The following UBL3 variants were observed in gnomAD, a reference collection of about 807,000 sequenced individuals.
UBL3 encodes ubiquitin like 3.
A neutral mutation model predicts 18.4 loss-of-function variants in UBL3; 6 were observed. The ratio of observed to expected loss-of-function variants is 0.33; its 90% CI spans 0.18 to 0.64. The LOEUF (loss-of-function observed/expected upper bound fraction) is 0.64. Ranked by LOEUF, UBL3 falls within the 30% of genes least tolerant of loss-of-function variation. The probability of loss-of-function intolerance (pLI) is 0.76; values close to 1 mark genes in which losing one functional copy is unlikely to be tolerated. For synonymous variants in UBL3, 49 were observed against 46.6 expected, an observed-to-expected ratio of 1.05 and a Z score of -0.21; for missense variants, 109 against 142.9, an observed-to-expected ratio of 0.76 and a Z score of 1.21.
At chr13:29,838,881 T>C (rs1418249125) in intron 1 of UBL3, among the ~76,000 whole-genome samples, 1 of 152,062 alleles carries the variant, frequency 6.6e-6, no homozygotes, top group African/African-American at 2.4e-5. Flanking sequence ...TTAAAGAGAT[T>C]CATCTTACGT....
At chr13:29,774,072 T>A (rs1167456631) in intron 2 of UBL3, among the ~76,000 whole-genome samples, 1 of 152,098 alleles carries the variant, frequency 6.6e-6, no homozygotes, top group Non-Finnish European at 1.5e-5. Flanking sequence ...CCTTGCAGTG[T>A]CTAAAACTGC....
At chr13:29,800,491 T>G (rs1292712916) in intron 1 of UBL3, among the ~76,000 whole-genome samples, 2 of 152,058 alleles carry the variant, frequency 1.3e-5, no homozygotes, top group Non-Finnish European at 2.9e-5. Context: ...TCCTAGAAAT[T>G]GATTCAATGT....
chr13:29,807,012 G>A (rs1022832058), intron 1 of UBL3, among the ~76,000 whole-genome samples: 4 of 151,986 alleles, frequency 2.6e-5, no homozygotes, highest in African/African-American at 7.3e-5. Context: ...AATATGTAGT[G>A]TACTTCAGAA....
At chr13:29,804,832 T>G (rs959625264) in intron 1 of UBL3, among the ~76,000 whole-genome samples, 1 of 152,212 alleles carries the variant, frequency 6.6e-6, no homozygotes. Context: ...ACTTTTCACA[T>G]TTTTCCAAAT....
At chr13:29,797,920 A>C (rs1024623304) in intron 1 of UBL3, among the ~76,000 whole-genome samples, 1 of 152,086 alleles carries the variant, frequency 6.6e-6, no homozygotes, top group Non-Finnish European at 1.5e-5. Flanking sequence ...GGAATCATGA[A>C]TCATGATGCC....
At chr13:29,802,134 T>C (rs1362902276) in intron 1 of UBL3, among the ~76,000 whole-genome samples, 2 of 152,210 alleles carry the variant, frequency 1.3e-5, no homozygotes, top group African/African-American at 4.8e-5. Context: ...GCCTACCTAC[T>C]AGCCATTATG....
In UBL3 at chr13:29,849,900, C is replaced by T; in HGVS notation, c.-362G>A. 2.5e-6 allele frequency: 1 copy of T among 404,290 alleles called. No homozygotes were observed. The highest frequency in any genetic ancestry group is 4.6e-6 in the Non-Finnish European group (1 of 217,640). 25.0% of individuals were successfully genotyped at this position (404,290 alleles called of 1,614,324 possible). On this transcript the variant is annotated 5_prime_UTR_variant, in exon 1 of 5. Coordinates refer to ENST00000380680, the MANE Select transcript of UBL3 (RefSeq NM_007106.4). Reference sequence around the variant, plus strand: ...GGTGGGAGGGGGTTAAATGCGCCTTCCTCCTTTCCCAGCCCCGGCAATGAT... The same window carrying T: ...GGTGGGAGGGGGTTAAATGCGCCTTTCTCCTTTCCCAGCCCCGGCAATGAT...
chr13:29,817,212 T>C (rs1878304318), intron 1 of UBL3, among the ~76,000 whole-genome samples: 1 of 152,224 alleles, frequency 6.6e-6, no homozygotes, highest in South Asian at 2.1e-4. Flanking sequence ...AATAAAAGCA[T>C]TTTCTAGTTT....
At position 29,766,658 on chromosome 13, in the gene UBL3, G is replaced by C. The variant is rs940580463; in HGVS notation, c.*597C>G. On this transcript the variant is annotated 3_prime_UTR_variant, in exon 5 of 5. Coordinates refer to ENST00000380680, the MANE Select transcript of UBL3 (RefSeq NM_007106.4). ...ATTTTGTTTTTTCATTTGTTGCAGT[G>C]AAAATAGTCACACTCAGTTTAGTAT... The C allele has an allele frequency of 2.0e-5, 3 of 152,448 alleles. No homozygotes were observed. Among genetic ancestry groups the C allele is most frequent in the African/African-American group, 7.2e-5 (3 of 41,432 alleles). 9.4% of individuals were successfully genotyped at this position (152,448 alleles called of 1,614,324 possible).
chr13:29,841,643 T>A (rs960240182), intron 1 of UBL3, among the ~76,000 whole-genome samples: 4 of 152,168 alleles, frequency 2.6e-5, no homozygotes, highest in African/African-American at 9.7e-5. Context: ...GGAAGGAATC[T>A]AAGGCATTCT....
intron 1 of UBL3, among the ~76,000 whole-genome samples, chr13:29,788,870 T>TGTGC (rs1180662351): frequency 2.4e-3 from 50 of 20,928 alleles, no homozygotes; most frequent in Admixed American, 4.2e-3. Flanking sequence ...TGTGTGTGTG[T>TGTGC]GCGCGCGCGC....
At chr13:29,809,641 G>A (rs1404354342) in intron 1 of UBL3, among the ~76,000 whole-genome samples, 2 of 152,100 alleles carry the variant, frequency 1.3e-5, no homozygotes, top group African/African-American at 4.8e-5. Flanking sequence ...GACTTTGCAA[G>A]AGTTTAGTTG....
intron 1 of UBL3, among the ~76,000 whole-genome samples, chr13:29,818,986 A>C (rs1027703168): frequency 2.0e-5 from 3 of 152,204 alleles, no homozygotes; most frequent in Non-Finnish European, 2.9e-5. Flanking sequence ...TTGTTTTAAA[A>C]ATAATCACTA....
At chr13:29,802,001 A>G (rs1404687202) in intron 1 of UBL3, among the ~76,000 whole-genome samples, 1 of 152,158 alleles carries the variant, frequency 6.6e-6, no homozygotes, top group Non-Finnish European at 1.5e-5. Flanking sequence ...GCAGCCTGGG[A>G]GTATGAAGGC....
intron 2 of UBL3, among the ~76,000 whole-genome samples, chr13:29,773,678 T>TC (rs1206767646): frequency 3.3e-5 from 5 of 152,220 alleles, no homozygotes; most frequent in African/African-American, 1.2e-4. Flanking sequence ...TAATATGCTA[T>TC]CTCCCTTCCC....
At chr13:29,821,469 A>AGGAAG (rs1565998116) in intron 1 of UBL3, among the ~76,000 whole-genome samples, 6 of 152,316 alleles carry the variant, frequency 3.9e-5, no homozygotes, top group African/African-American at 1.2e-4. Flanking sequence ...CAGATGTAAT[A>AGGAAG]CCTTTTGCAG....
intron 1 of UBL3, among the ~76,000 whole-genome samples, chr13:29,840,978 C>A (rs1257200514): frequency 6.6e-6 from 1 of 152,056 alleles, no homozygotes; most frequent in Admixed American, 6.5e-5. Context: ...CTTGATTTAA[C>A]ATGACAATGA....
intron 1 of UBL3, among the ~76,000 whole-genome samples, chr13:29,783,648 A>G (rs929548816): frequency 4.6e-5 from 7 of 152,196 alleles, no homozygotes; most frequent in African/African-American, 1.4e-4. Context: ...AATGTATGAC[A>G]ATTTCTATAA....
intron 1 of UBL3, among the ~76,000 whole-genome samples, chr13:29,802,067 G>A (rs1877785514): frequency 1.3e-5 from 2 of 152,336 alleles, no homozygotes. Flanking sequence ...AGAGCAGGGA[G>A]AGGAAGCACA....
Sources: allele counts gnomAD v4.1 joint callset (sites outside exome capture counted in the v4.1 genomes callset), GRCh38; gene constraint gnomAD v4.1.1; transcripts MANE v1.5; gene names NCBI Gene and HGNC (gene_info 2026-07-23, HGNC 2026-07-21).